The following NEIL3 variants were observed in gnomAD, a reference collection of about 807,000 sequenced individuals.
The protein encoded by NEIL3 is endonuclease 8-like 3.
A neutral mutation model predicts 57.5 loss-of-function variants in NEIL3; 48 were observed. The ratio of observed to expected loss-of-function variants is 0.83; its 90% CI spans 0.66 to 1.06. The LOEUF (loss-of-function observed/expected upper bound fraction) is 1.06. Ranked by LOEUF, NEIL3 falls within the 50% of genes least tolerant of loss-of-function variation. The pLI, the probability that NEIL3 is intolerant of heterozygous loss-of-function variation, is 0.00. For missense variants in NEIL3, 717 were observed against 739.1 expected, an observed-to-expected ratio of 0.97 and a Z score of 0.35; for synonymous variants, 261 against 253.2, an observed-to-expected ratio of 1.03 and a Z score of -0.29.
rs780527272 is a variant in NEIL3 at position 177,360,606 on chromosome 4, G to C, written c.1564G>C (p.Asp522His). ...RLCILRVVGK[D>H]GENKGRQFYA... ...CTGCATTCTCCGAGTTGTGGGGAAG[G>C]ATGGGGAAAACAAGGGCAGGCAGTT... Residue 522 changes from aspartate to histidine, a missense_variant, in exon 9 of 10, where the codon GAT becomes CAT. Transcript: ENST00000264596. 9 of 1,614,012 alleles carry C rather than the reference G, an allele frequency of 5.6e-6. No homozygotes were observed. The highest frequency in any genetic ancestry group is 7.6e-6 in the Non-Finnish European group (9 of 1,179,988).
At chr4:177,326,513 CT>C (rs36076912) in intron 2 of NEIL3, among the ~76,000 whole-genome samples, 49 of 142,668 alleles carry the variant, frequency 3.4e-4, no homozygotes, top group African/African-American at 8.2e-4. Flanking sequence ...TGACTTTATT[CT>C]TTTTTTTTTT....
intron 8 of NEIL3, among the ~76,000 whole-genome samples, chr4:177,354,568 T>A (rs1735434741): frequency 6.6e-6 from 1 of 152,178 alleles, no homozygotes. Context: ...TTTTTTTCTT[T>A]GAGGTGGCGT....
chr4:177,343,748 A>G (rs1735148560), intron 6 of NEIL3: 1 of 151,530 alleles, frequency 6.6e-6, no homozygotes, highest in South Asian at 2.1e-4. Context: ...TTTTATATAT[A>G]TATATATAAT....
chr4:177,353,490 C>T lies in NEIL3; in HGVS notation c.1222C>T (p.Gln408Ter), dbSNP rs1238799598. 3.7e-6 allele frequency: 6 copies of T among 1,613,672 alleles called. No individual in the cohort carries two copies. The highest frequency in any genetic ancestry group is 1.3e-5 in the African/African-American group (1 of 74,856). ...KSSTLERKTK[Q>*]NQILDEEFQN... ...CAGTACTTTGGAAAGAAAAACAAAGCAAAACCAGATACTAGATGAGGAGTT... is the reference window on the plus strand; with the variant it reads ...CAGTACTTTGGAAAGAAAAACAAAGTAAAACCAGATACTAGATGAGGAGTT... Residue 408 changes from glutamine to a stop codon, truncating the protein, a stop_gained, in exon 8 of 10, where the codon CAA becomes TAA. Coordinates refer to ENST00000264596, the MANE Select transcript of NEIL3 (RefSeq NM_018248.3). LOFTEE classifies it high-confidence loss of function.
At chr4:177,355,537 T>C (rs1456925379) in intron 8 of NEIL3, among the ~76,000 whole-genome samples, 2 of 152,206 alleles carry the variant, frequency 1.3e-5, no homozygotes, top group Non-Finnish European at 2.9e-5. Flanking sequence ...ATATTTTCGA[T>C]CCAAGGTTGG....
At chr4:177,339,918 G>A in intron 5 of NEIL3, 61 bp downstream of exon 5, 1 of 1,147,720 alleles carries the variant, frequency 8.7e-7, no homozygotes, top group Non-Finnish European at 1.3e-6. Context: ...CTTTTGGAGT[G>A]CACCAAAAAA....
chr4:177,334,247 G>T (rs966335469), intron 2 of NEIL3, among the ~76,000 whole-genome samples: 1 of 151,518 alleles, frequency 6.6e-6, no homozygotes, highest in Non-Finnish European at 1.5e-5. Flanking sequence ...AAGATCAAAG[G>T]TACTTAGTAA....
intron 1 of NEIL3, among the ~76,000 whole-genome samples, chr4:177,310,848 C>T (rs981374293): frequency 2.6e-5 from 4 of 152,174 alleles, no homozygotes; most frequent in Non-Finnish European, 5.9e-5. Context: ...CAATATTGCA[C>T]TGTATTTCAA....
At chr4:177,332,422 A>G (rs1734900585) in intron 2 of NEIL3, among the ~76,000 whole-genome samples, 1 of 152,054 alleles carries the variant, frequency 6.6e-6, no homozygotes, top group Admixed American at 6.6e-5. Flanking sequence ...TATGGTTGTT[A>G]TTCAGTATAA....
intron 1 of NEIL3, among the ~76,000 whole-genome samples, chr4:177,320,833 C>T (rs1287925451): frequency 6.6e-6 from 1 of 152,022 alleles, no homozygotes; most frequent in African/African-American, 2.4e-5. Flanking sequence ...GATTGATTCT[C>T]CAGTTCTTAA....
At chr4:177,342,891 G>T (rs1416427047) in intron 6 of NEIL3, 2 of 152,210 alleles carry the variant, frequency 1.3e-5, no homozygotes, top group Admixed American at 1.3e-4. Context: ...AATGGTGGGG[G>T]TCATTAGTAG....
chr4:177,367,767 A>G (rs1247477207), downstream of NEIL3, among the ~76,000 whole-genome samples: 1 of 152,256 alleles, frequency 6.6e-6, no homozygotes, highest in African/African-American at 2.4e-5. Flanking sequence ...GAAAAAACTG[A>G]GAGTCAGATA....
chr4:177,318,735 T>A (rs1269941786), intron 1 of NEIL3, among the ~76,000 whole-genome samples: 1 of 152,192 alleles, frequency 6.6e-6, no homozygotes, highest in African/African-American at 2.4e-5. Flanking sequence ...CCAATCTTGC[T>A]CTCTCCTTTT....
At chr4:177,328,987 T>C (rs1734833116) in intron 2 of NEIL3, among the ~76,000 whole-genome samples, 1 of 152,144 alleles carries the variant, frequency 6.6e-6, no homozygotes, top group Non-Finnish European at 1.5e-5. Flanking sequence ...TGTATCTCAG[T>C]AATATACGTT....
In NEIL3 at chr4:177,353,350, A is replaced by T. The variant is rs773206234; in HGVS notation, c.1082A>T (p.His361Leu). Reference sequence around the variant, plus strand: ...GAAGAAAATTCTACTGTCTTTAGCCACTTAATGAAGTACCCGTGTAATACT... The same window carrying T: ...GAAGAAAATTCTACTGTCTTTAGCCTCTTAATGAAGTACCCGTGTAATACT... ...KSEENSTVFS[H>L]LMKYPCNTFG... is the part of the protein sequence containing the mutation. The change falls in exon 8 of 10, where the codon CAC becomes CTC. Residue 361 changes from histidine (H) to leucine (L), a missense_variant. Physicochemically the swap from His to Leu is moderately conservative, Grantham distance 99. Transcript: ENST00000264596. The T allele has an allele frequency of 1.9e-6, 3 of 1,613,628 alleles. No homozygotes were observed. Among genetic ancestry groups the T allele is most frequent in the South Asian group, 1.1e-5 (1 of 90,982 alleles).
the NEIL3 span, among the ~76,000 whole-genome samples, chr4:177,370,718 C>G: frequency 6.6e-6 from 1 of 151,956 alleles, no homozygotes; most frequent in African/African-American, 2.4e-5. Flanking sequence ...CTGGCCAACA[C>G]GGTAAAACCC....
rs1431265461 is a variant in NEIL3, at chr4:177,353,567, C to T, written c.1299C>T (p.Ser433=). The change falls in exon 8 of 10, where the codon TCC becomes TCT. Residue 433 remains serine, a synonymous_variant. Coordinates refer to ENST00000264596, the MANE Select transcript of NEIL3 (RefSeq NM_018248.3). ...GTTTGAATGATATACAGCACCCCTC[C>T]AAGAAGACAACAAACGATATAACTC... ...SVCLNDIQHP[S]KKTTNDITQP... is the part of the protein sequence containing the mutation. The T allele has an allele frequency of 1.7e-5, 28 of 1,612,896 alleles. No homozygotes were observed. The highest frequency in any genetic ancestry group is 2.3e-5 in the Non-Finnish European group (27 of 1,179,324).
chr4:177,366,182 G>T (rs1241797064), downstream of NEIL3, among the ~76,000 whole-genome samples: 1 of 152,134 alleles, frequency 6.6e-6, no homozygotes, highest in African/African-American at 2.4e-5. Context: ...TAAAACATAT[G>T]GGACTTTTAA....
chr4:177,354,432 A>G (rs933790662), intron 8 of NEIL3, among the ~76,000 whole-genome samples: 6 of 152,168 alleles, frequency 3.9e-5, no homozygotes, highest in Non-Finnish European at 8.8e-5. Flanking sequence ...ACTATTTTTT[A>G]TAAAAGTTTA....
Sources: allele counts gnomAD v4.1 joint callset (sites outside exome capture counted in the v4.1 genomes callset), GRCh38; gene constraint gnomAD v4.1.1; transcripts MANE v1.5; gene names NCBI Gene and HGNC (gene_info 2026-07-23, HGNC 2026-07-21).